GGA3: variants seen among roughly 807,000 people sequenced by gnomAD.
GGA3 encodes ADP-ribosylation factor-binding protein GGA3.
In GGA3, 57 loss-of-function variants were observed where a neutral mutation model predicts 77.5. The observed-to-expected ratio is 0.74, with a 90% CI of 0.59 to 0.92. The LOEUF (loss-of-function observed/expected upper bound fraction) is 0.92. Among genes scored for constraint, GGA3 ranks in the 40% least tolerant of loss-of-function variants. The pLI, the probability that GGA3 is intolerant of heterozygous loss-of-function variation, is 0.00. For synonymous variants in GGA3, 416 were observed against 383.7 expected (o/e 1.08, Z -0.98); for missense variants, 970 against 914.9 (o/e 1.06, Z -0.78).
At chr17:75,259,216 C>T (rs956383140) in intron 1 of GGA3, among the ~76,000 whole-genome samples, 2 of 152,074 alleles carry the variant, frequency 1.3e-5, no homozygotes, top group East Asian at 3.9e-4. Flanking sequence ...GGCCTCCCAA[C>T]GTGCTGGGAT....
intron 1 of GGA3, among the ~76,000 whole-genome samples, chr17:75,250,685 C>T (rs2076930821): frequency 6.6e-6 from 1 of 151,488 alleles, no homozygotes; most frequent in Admixed American, 6.6e-5. Context: ...CTGCTTGAAC[C>T]CAGGAGGCAG....
chr17:75,245,593 C>T (rs187750166), intron 3 of GGA3, among the ~76,000 whole-genome samples: 1 of 152,164 alleles, frequency 6.6e-6, no homozygotes, highest in African/African-American at 2.4e-5. Context: ...GGTGTGATCA[C>T]CACTCACTTT....
intron 1 of GGA3, among the ~76,000 whole-genome samples, chr17:75,259,475 A>C (rs2077270779): frequency 6.6e-6 from 1 of 152,172 alleles, no homozygotes; most frequent in Non-Finnish European, 1.5e-5. Context: ...AAGGAGAGCA[A>C]CGTGTATTGG....
intron 12 of GGA3, 115 bp from the exon 13 acceptor site, chr17:75,240,223 TC>T: frequency 8.7e-7 from 1 of 1,146,156 alleles, no homozygotes; most frequent in Non-Finnish European, 1.3e-6. Context: ...CACTCATTGT[TC>T]CCCGCTGCAG....
chr17:75,261,498 G>A, intron 1 of GGA3, 50 bp downstream of exon 1: 1 of 1,434,564 alleles, frequency 7.0e-7, no homozygotes, highest in Non-Finnish European at 9.2e-7. Context: ...GGTGAAGACA[G>A]GGGCAGCCCA....
At position 75,239,382 on chromosome 17, in the gene GGA3, G is replaced by C; in HGVS notation, c.1773C>G (p.Ile591Met). The C allele has an allele frequency of 6.5e-7, 1 of 1,546,654 alleles. No homozygotes were observed. Reference protein sequence around the residue: ...LASIHVPLESIKPSSALPVTA... With the variant: ...LASIHVPLESMKPSSALPVTA... Reference sequence around the variant, plus strand: ...CAATCCTCCAACACCTACTAGGCTTGATCGATTCCAGGGGCACGTGGATGC... The same window carrying C: ...CAATCCTCCAACACCTACTAGGCTTCATCGATTCCAGGGGCACGTGGATGC... The change falls in exon 14 of 17, where the codon ATC becomes ATG. Residue 591 changes from isoleucine (I) to methionine (M), a missense_variant. Physicochemically the swap from Ile to Met is conservative, Grantham distance 10 (BLOSUM62 1). Transcript: ENST00000537686.
chr17:75,257,816 TTTTG>T (rs2077208110), intron 1 of GGA3, among the ~76,000 whole-genome samples: 2 of 152,082 alleles, frequency 1.3e-5, no homozygotes, highest in African/African-American at 4.8e-5. Context: ...TTCAACACTA[TTTTG>T]TTTTATTTTT....
intron 1 of GGA3, among the ~76,000 whole-genome samples, chr17:75,260,914 G>A (rs1333599265): frequency 2.0e-5 from 3 of 151,846 alleles, no homozygotes; most frequent in African/African-American, 7.3e-5. Flanking sequence ...GGGGGTATAT[G>A]TATGTGTGTG....
intron 1 of GGA3, among the ~76,000 whole-genome samples, chr17:75,259,923 G>C (rs2145614803): frequency 6.6e-6 from 1 of 152,302 alleles, no homozygotes; most frequent in African/African-American, 2.4e-5. Context: ...GGAAAGGTGG[G>C]AGGATCACTT....
intron 1 of GGA3, among the ~76,000 whole-genome samples, chr17:75,251,706 C>A (rs1047516353): frequency 0.011 from 762 of 68,022 alleles, no homozygotes; most frequent in Middle Eastern, 0.029. Context: ...GACTCCTTCT[C>A]AAAAAAAAAA....
Position 75,237,173 on chromosome 17 carries a change from GA to G in GGA3, c.*1105del. The G allele has an allele frequency of 2.1e-6, 1 of 482,544 alleles. No homozygotes were observed. Among genetic ancestry groups the G allele is most frequent in the African/African-American group, 1.9e-5 (1 of 51,998 alleles). The allele number at this position is 482,544 out of a possible 1,614,324, so 29.9% of individuals were successfully genotyped here. A position where few individuals can be genotyped will look rare whatever the true frequency, so the allele number is the denominator to read the frequency against. ...AAGCTGGCGGGGGCCAAGCACTGTT[GA>G]AGCAATAGGGTCTGGTGACTCAGCT... On this transcript the variant is annotated 3_prime_UTR_variant, in exon 17 of 17. Coordinates refer to ENST00000537686, the MANE Select transcript of GGA3 (RefSeq NM_138619.4).
intron 5 of GGA3, 93 bp from the exon 6 acceptor site, chr17:75,243,259 C>A: frequency 8.6e-7 from 1 of 1,159,688 alleles, no homozygotes; most frequent in Non-Finnish European, 1.3e-6. Context: ...TGATCAAGAC[C>A]TGCAAAGGGT....
intron 8 of GGA3, 188 bp from the exon 9 acceptor site, chr17:75,241,884 G>A: frequency 1.6e-6 from 1 of 625,424 alleles, no homozygotes; most frequent in South Asian, 1.8e-5. Context: ...CACCCAGGAT[G>A]TTTGTCTAGG....
chr17:75,242,976 A>G (rs573851622), intron 6 of GGA3, 65 bp from the exon 7 acceptor site: 2 of 1,488,470 alleles, frequency 1.3e-6, no homozygotes, highest in Non-Finnish European at 1.9e-6. Context: ...GAAACCCCAG[A>G]GGCTCCCCGC....
intron 7 of GGA3, 115 bp downstream of exon 7, chr17:75,242,716 T>C (rs2076604250): frequency 2.0e-6 from 2 of 979,718 alleles, no homozygotes; most frequent in South Asian, 2.7e-5. Flanking sequence ...GGGGCACAGG[T>C]AGGGCAGCTG....
At chr17:75,253,039 T>C (rs12940936) in intron 1 of GGA3, among the ~76,000 whole-genome samples, 2 of 152,208 alleles carry the variant, frequency 1.3e-5, no homozygotes, top group Admixed American at 1.3e-4. Context: ...TCTCTTCACA[T>C]GGACGCGCAT....
chr17:75,250,476 T>C (rs118100884), intron 1 of GGA3, among the ~76,000 whole-genome samples: 1,640 of 152,118 alleles, frequency 0.011, 58 homozygotes, highest in East Asian at 0.078. Context: ...AAGATCTACA[T>C]AGCAGGCTGG....
At chr17:75,245,375 G>A (rs2076718496) in intron 3 of GGA3, among the ~76,000 whole-genome samples, 1 of 152,172 alleles carries the variant, frequency 6.6e-6, no homozygotes, top group South Asian at 2.1e-4. Context: ...GGGCCACTCT[G>A]CACTTTATAG....
At chr17:75,249,314 A>G (rs1438924807) in intron 1 of GGA3, among the ~76,000 whole-genome samples, 1 of 152,172 alleles carries the variant, frequency 6.6e-6, no homozygotes, top group East Asian at 1.9e-4. Flanking sequence ...AAGTGCTGGG[A>G]TTACAGGCGG....
Sources: gnomAD v4.1 joint callset for allele counts (sites outside exome capture counted in the v4.1 genomes callset) on GRCh38, gnomAD v4.1.1 for gene constraint, MANE v1.5 for transcripts, NCBI Gene and HGNC (gene_info 2026-07-23, HGNC 2026-07-21) for gene names.